RSRC1: variants seen among roughly 807,000 people sequenced by gnomAD.
The protein encoded by RSRC1 is serine/Arginine-related protein 53.
RSRC1 carries 39 observed loss-of-function variants against 49.1 expected under a neutral mutation model. The observed-to-expected ratio is 0.79, with a 90% CI of 0.61 to 1.04. The LOEUF (loss-of-function observed/expected upper bound fraction) is 1.04, where lower values mean the gene tolerates loss of function less well. Among genes scored for constraint, RSRC1 ranks in the 50% least tolerant of loss-of-function variants. The pLI is 0.00. For missense variants in RSRC1, 388 were observed against 402.4 expected (o/e 0.96, Z 0.31); for synonymous variants, 143 against 130.8 (o/e 1.09, Z -0.63).
At chr3:158,507,164 G>A (rs1325931568) in intron 7 of RSRC1, among the ~76,000 whole-genome samples, 1 of 152,026 alleles carries the variant, frequency 6.6e-6, no homozygotes, top group Non-Finnish European at 1.5e-5. Flanking sequence ...ATCATATGTT[G>A]TCAATCACAT....
intron 3 of RSRC1, among the ~76,000 whole-genome samples, chr3:158,187,699 A>G (rs1201319954): frequency 6.6e-6 from 1 of 151,988 alleles, no homozygotes; most frequent in East Asian, 1.9e-4. Flanking sequence ...TTTCTCTAAG[A>G]CAGATGAGGG....
At chr3:158,209,336 C>T (rs1286361706) in intron 4 of RSRC1, among the ~76,000 whole-genome samples, 1 of 152,076 alleles carries the variant, frequency 6.6e-6, no homozygotes, top group Non-Finnish European at 1.5e-5. Flanking sequence ...CTTTGCCTTT[C>T]TTCTTTGGAA....
At chr3:158,428,991 G>A (rs1735619554) in intron 6 of RSRC1, among the ~76,000 whole-genome samples, 1 of 151,794 alleles carries the variant, frequency 6.6e-6, no homozygotes, top group Admixed American at 6.6e-5. Flanking sequence ...AGCTGTAGCA[G>A]GTTATTCTTG....
At chr3:158,388,855 C>T (rs570224371) in intron 6 of RSRC1, among the ~76,000 whole-genome samples, 2 of 152,158 alleles carry the variant, frequency 1.3e-5, no homozygotes, top group South Asian at 2.1e-4. Context: ...ATGATCCGCC[C>T]GCCTCGGCCT....
intron 7 of RSRC1, among the ~76,000 whole-genome samples, chr3:158,523,142 T>C (rs75124006): frequency 4.1e-4 from 63 of 152,222 alleles, no homozygotes; most frequent in Non-Finnish European, 8.1e-4. Context: ...GTGATAGGCA[T>C]TTTTTAAGTG....
intron 7 of RSRC1, among the ~76,000 whole-genome samples, chr3:158,501,433 C>A (rs557984839): frequency 6.6e-6 from 1 of 152,226 alleles, no homozygotes; most frequent in South Asian, 2.1e-4. Context: ...GTCTTGATGA[C>A]CTGTCTAATG....
At chr3:158,125,380 TG>T (rs1004393513) in intron 3 of RSRC1, among the ~76,000 whole-genome samples, 100 of 152,276 alleles carry the variant, frequency 6.6e-4, no homozygotes, top group African/African-American at 2.4e-3. Context: ...CTTTCAGTAT[TG>T]CTTTTGCTGT....
chr3:158,320,330 G>A (rs575892873), intron 5 of RSRC1, among the ~76,000 whole-genome samples: 1 of 152,290 alleles, frequency 6.6e-6, no homozygotes, highest in South Asian at 2.1e-4. Flanking sequence ...TCTAAGTGAT[G>A]TAGGCACTTT....
At chr3:158,207,905 A>G (rs185434491) in intron 4 of RSRC1, among the ~76,000 whole-genome samples, 87 of 152,296 alleles carry the variant, frequency 5.7e-4, no homozygotes, top group Middle Eastern at 6.8e-3. Flanking sequence ...CTTTTTAAAT[A>G]ACAGCTAATT....
At chr3:158,413,651 A>AC (rs1330061866) in intron 6 of RSRC1, among the ~76,000 whole-genome samples, 1 of 151,724 alleles carries the variant, frequency 6.6e-6, no homozygotes, top group Non-Finnish European at 1.5e-5. Context: ...AAGAGAAAAA[A>AC]AAAGCCCATT....
chr3:158,307,160 A>G (rs896330733), intron 5 of RSRC1, among the ~76,000 whole-genome samples: 1 of 151,676 alleles, frequency 6.6e-6, no homozygotes, highest in Non-Finnish European at 1.5e-5. Flanking sequence ...CTGAGCACAT[A>G]TGAATATTAT....
chr3:158,264,272 T>G (rs988277429), intron 4 of RSRC1, among the ~76,000 whole-genome samples: 1 of 152,222 alleles, frequency 6.6e-6, no homozygotes, highest in Non-Finnish European at 1.5e-5. Flanking sequence ...GATTTGTTCT[T>G]TCTCCATGGG....
In RSRC1 at chr3:158,367,066, A is replaced by G. The variant is rs1203471914; in HGVS notation, c.583+12158A>G. ...GGGCTGAGATGATGGGGTTTTCTAT[A>G]TATACAATCATGTCATCTGCAAACA... is the stretch of plus-strand genomic sequence containing the variant. On this transcript the variant is annotated intron_variant, in intron 6 of 9. Coordinates refer to ENST00000611884, the MANE Select transcript of RSRC1 (RefSeq NM_001271838.2). 3.3e-5 allele frequency among the ~76,000 whole-genome samples: 5 copies of G among 152,298 alleles called. No individual in the cohort carries two copies. In the East Asian group the frequency reaches 7.7e-4, roughly 24 times the overall value.
chr3:158,248,601 CTTT>C (rs35048391), intron 4 of RSRC1, among the ~76,000 whole-genome samples: 4 of 143,656 alleles, frequency 2.8e-5, no homozygotes, highest in Non-Finnish European at 1.5e-5. Flanking sequence ...TTTGGATTAA[CTTT>C]TTTTTTTTTT....
At chr3:158,265,698 C>T (rs1725133717) in intron 4 of RSRC1, among the ~76,000 whole-genome samples, 1 of 151,788 alleles carries the variant, frequency 6.6e-6, no homozygotes, top group Admixed American at 6.6e-5. Context: ...GACTTTTTTT[C>T]CGCCACTTGT....
At chr3:158,210,615 T>TAGTG (rs1721621999) in intron 4 of RSRC1, among the ~76,000 whole-genome samples, 1 of 151,988 alleles carries the variant, frequency 6.6e-6, no homozygotes, top group East Asian at 1.9e-4. Context: ...TATTATAACA[T>TAGTG]AGTGGCCCAT....
At chr3:158,484,031 G>A (rs6441205) in intron 7 of RSRC1, among the ~76,000 whole-genome samples, 150,209 of 152,240 alleles carry the variant, frequency 0.99, 74,110 homozygotes, top group East Asian at 1. Flanking sequence ...CCTCCATGCA[G>A]TGATAAGCCA....
chr3:158,256,423 G>A (rs1420192377), intron 4 of RSRC1, among the ~76,000 whole-genome samples: 2 of 152,182 alleles, frequency 1.3e-5, no homozygotes, highest in African/African-American at 4.8e-5. Flanking sequence ...CTTGATCGTG[G>A]TGGAAAAGCT....
At chr3:158,543,961 GT>G (rs1342552511) in intron 9 of RSRC1, among the ~76,000 whole-genome samples, 1 of 152,120 alleles carries the variant, frequency 6.6e-6, no homozygotes, top group Non-Finnish European at 1.5e-5. Flanking sequence ...GTACAAAATT[GT>G]TAAGCAATGA....
Sources: allele counts gnomAD v4.1 joint callset (sites outside exome capture counted in the v4.1 genomes callset), GRCh38; gene constraint gnomAD v4.1.1; transcripts MANE v1.5; gene names NCBI Gene and HGNC (gene_info 2026-07-23, HGNC 2026-07-21).